CEP350: variants seen among roughly 807,000 people sequenced by gnomAD.
The protein encoded by CEP350 is centrosome-associated protein 350.
In CEP350, 126 loss-of-function variants were observed where a neutral mutation model predicts 331.8. The observed-to-expected ratio is 0.38, with a 90% CI of 0.33 to 0.44. The LOEUF is 0.44. CEP350 is among the 20% of genes least tolerant of loss of function. The pLI is 1.00. For missense variants in CEP350, 3,406 were observed against 3,634.6 expected, an observed-to-expected ratio of 0.94 and a Z score of 1.62; for synonymous variants, 1,200 against 1,259.5, an observed-to-expected ratio of 0.95 and a Z score of 1.00.
chr1:180,036,223 A>G (rs1172016904), intron 16 of CEP350, among the ~76,000 whole-genome samples: 5 of 152,244 alleles, frequency 3.3e-5, no homozygotes, highest in African/African-American at 1.2e-4. Flanking sequence ...CTTATGCATG[A>G]GCAAAGAAAG....
chr1:180,004,996 C>A (rs1654162571), intron 7 of CEP350, among the ~76,000 whole-genome samples: 1 of 142,626 alleles, frequency 7.0e-6, no homozygotes, highest in Non-Finnish European at 1.5e-5. Context: ...TTTTTCTTAA[C>A]CTTCTCCCCT....
intron 1 of CEP350, among the ~76,000 whole-genome samples, chr1:179,955,967 A>G (rs1383847473): frequency 2.0e-5 from 3 of 152,204 alleles, no homozygotes; most frequent in South Asian, 4.1e-4. Flanking sequence ...CCTGCCCTGT[A>G]TTTGAAGAGT....
rs1160099744 is a variant in CEP350, at chr1:180,112,746, A to G, written c.*1585A>G. On this transcript the variant is annotated 3_prime_UTR_variant, in exon 38 of 38. Coordinates refer to ENST00000367607, the MANE Select transcript of CEP350 (RefSeq NM_014810.5). ...TTAGAAAAACCCCAAAGATGGTATA[A>G]TCTTTAAGTGTGCACGTTCGTTTAT... 1 of 152,624 alleles carries G rather than the reference A, an allele frequency of 6.6e-6. No homozygotes were observed. The highest frequency in any genetic ancestry group is 1.5e-5 in the Non-Finnish European group (1 of 68,032). 9.5% of individuals were successfully genotyped at this position (152,624 alleles called of 1,614,324 possible).
At position 180,043,165 on chromosome 1, in the gene CEP350, A is replaced by G; in HGVS notation, c.4472A>G (p.Gln1491Arg). The G allele has an allele frequency of 6.2e-7, 1 of 1,613,670 alleles. No individual in the cohort carries two copies. The highest frequency in any genetic ancestry group is 8.5e-7 in the Non-Finnish European group (1 of 1,179,690). ...CAGCACCTTCCAGACTTTGTGAAACAGCTGAGGACCAGAACTGAAACAGAT... is the reference window on the plus strand; with the variant it reads ...CAGCACCTTCCAGACTTTGTGAAACGGCTGAGGACCAGAACTGAAACAGAT... ...QRQHLPDFVK[Q>R]LRTRTETDRK... Residue 1491 changes from glutamine to arginine, a missense_variant, in exon 20 of 38, where the codon CAG becomes CGG. Gln to Arg is a conservative substitution (Grantham distance 43). Coordinates refer to ENST00000367607, the MANE Select transcript of CEP350 (RefSeq NM_014810.5).
In CEP350 at chr1:180,003,330, A is replaced by G. The variant is rs369455882; in HGVS notation, c.1132+43A>G. On this transcript the variant is annotated intron_variant, in intron 7 of 37. Coordinates refer to ENST00000367607, the MANE Select transcript of CEP350 (RefSeq NM_014810.5). ...TTATGTTTTGAGTATTTTGTCATAC[A>G]TGCTATCTAATTTATAATATTTACA... The G allele has an allele frequency of 4.9e-5, 59 of 1,196,678 alleles. No homozygotes were observed. In the African/African-American group the frequency reaches 8.4e-4, roughly 17 times the overall value. The allele number at this position is 1,196,678 out of a possible 1,614,324, so 74.1% of individuals were successfully genotyped here.
In CEP350 at chr1:180,006,534, G is replaced by A. The variant is rs780214220; in HGVS notation, c.1213G>A (p.Val405Ile). ...VVKPVRKVQK[V>I]AQLSSTECRT... ...CAAGCCAGTACGAAAAGTCCAAAAA[G>A]TAGCACAGTTATCAAGTACAGAATG... is the stretch of plus-strand genomic sequence containing the variant. The change falls in exon 8 of 38, where the codon GTA becomes ATA. Residue 405 changes from valine (V) to isoleucine (I), a missense_variant. This residue lies in a region of CEP350 where 1,857 missense variants were observed against 1,909.2 expected (regional missense o/e 0.97). Coordinates refer to ENST00000367607, the MANE Select transcript of CEP350 (RefSeq NM_014810.5). The A allele has an allele frequency of 6.4e-7, 1 of 1,550,602 alleles. No homozygotes were observed.
rs142448584 is a variant in CEP350 at position 180,070,784 on chromosome 1, A to G, written c.5568-4238A>G. Among the ~76,000 whole-genome samples the G allele has an allele frequency of 3.4e-4, 52 of 152,324 alleles. No individual in the cohort carries two copies. In the East Asian group the frequency reaches 8.9e-3, roughly 26 times the overall value. ...AATAGTATTTTGTTGAAATTAGCAA[A>G]GTGCTAGATGGCTAATTACTGGAGT... On this transcript the variant is annotated intron_variant, in intron 27 of 37. Coordinates refer to ENST00000367607, the MANE Select transcript of CEP350 (RefSeq NM_014810.5).
At position 180,094,634 on chromosome 1, in the gene CEP350, A is replaced by G. The variant is rs1660376279; in HGVS notation, c.8511+18A>G. On this transcript the variant is annotated intron_variant, in intron 34 of 37. Coordinates refer to ENST00000367607, the MANE Select transcript of CEP350 (RefSeq NM_014810.5). Reference sequence around the variant, plus strand: ...CCAGACCGGTGAGTATTTCGTCTAGAAAAAGTATCAGTATACCTTTTGACA... The same window carrying G: ...CCAGACCGGTGAGTATTTCGTCTAGGAAAAGTATCAGTATACCTTTTGACA... 3 of 1,601,246 alleles carry G rather than the reference A, an allele frequency of 1.9e-6. No individual in the cohort carries two copies. Among genetic ancestry groups the G allele is most frequent in the Non-Finnish European group, 2.6e-6 (3 of 1,174,818 alleles).
chr1:180,037,650 A>G (rs1206690655), intron 17 of CEP350, among the ~76,000 whole-genome samples: 2 of 151,898 alleles, frequency 1.3e-5, no homozygotes, highest in Non-Finnish European at 2.9e-5. Flanking sequence ...TGATGAGTTT[A>G]TTTATTTATT....
intron 27 of CEP350, among the ~76,000 whole-genome samples, chr1:180,073,031 A>T (rs1330613073): frequency 6.6e-6 from 1 of 152,220 alleles, no homozygotes; most frequent in African/African-American, 2.4e-5. Flanking sequence ...TTATAACTGT[A>T]AAATGGAATG....
chr1:180,044,375 T>C (rs1656978150), intron 21 of CEP350, among the ~76,000 whole-genome samples: 1 of 152,216 alleles, frequency 6.6e-6, no homozygotes, highest in Non-Finnish European at 1.5e-5. Context: ...AGAACCTACA[T>C]TGTACAAGCA....
intron 27 of CEP350, among the ~76,000 whole-genome samples, chr1:180,068,793 A>G (rs1658703909): frequency 6.6e-6 from 1 of 152,228 alleles, no homozygotes; most frequent in South Asian, 2.1e-4. Flanking sequence ...GGATACCAAG[A>G]TAAATCAGAC....
chr1:180,067,521 C>T (rs1658613418), intron 27 of CEP350, among the ~76,000 whole-genome samples: 1 of 152,098 alleles, frequency 6.6e-6, no homozygotes, highest in South Asian at 2.1e-4. Flanking sequence ...GAAACCTCAT[C>T]TCTACTAAAA....
At chr1:179,996,212 T>C (rs1653450096) in intron 5 of CEP350, among the ~76,000 whole-genome samples, 1 of 152,230 alleles carries the variant, frequency 6.6e-6, no homozygotes, top group Admixed American at 6.5e-5. Flanking sequence ...ATCTTTAACT[T>C]ACTGGAATTT....
At position 179,972,017 on chromosome 1, in the gene CEP350, G is replaced by A. The variant is rs548821413; in HGVS notation, c.-13-14152G>A. ...GGTCATATGGTCATCTCTTCTTGAGGTCACCTTTTCTTGTAGTTGTTTCTG... is the reference window on the plus strand; with the variant it reads ...GGTCATATGGTCATCTCTTCTTGAGATCACCTTTTCTTGTAGTTGTTTCTG... On this transcript the variant is annotated intron_variant, in intron 1 of 37. Transcript: ENST00000367607. Among the ~76,000 whole-genome samples, 113 of 152,236 alleles carry A rather than the reference G, an allele frequency of 7.4e-4. 1 individual carries two copies. The highest frequency in any genetic ancestry group is 2.7e-3 in the African/African-American group (111 of 41,544).
At position 180,046,154 on chromosome 1, in the gene CEP350, G is replaced by A. The variant is rs541921355; in HGVS notation, c.4622+1981G>A. On this transcript the variant is annotated intron_variant, in intron 21 of 37. Coordinates refer to ENST00000367607, the MANE Select transcript of CEP350 (RefSeq NM_014810.5). ...CCTATGTGTACATGTTTCTTTGTTA[G>A]TCAGTTACATTCTAGACTAGAAGCT... is the stretch of plus-strand genomic sequence containing the variant. Among the ~76,000 whole-genome samples, 206 of 152,250 alleles carry A rather than the reference G, an allele frequency of 1.4e-3. 1 individual carries two copies. The highest frequency in any genetic ancestry group is 0.01 in the Middle Eastern group (3 of 292).
intron 22 of CEP350, 83 bp from the exon 23 acceptor site, chr1:180,052,887 C>T: frequency 1.8e-6 from 1 of 550,768 alleles, no homozygotes. Context: ...TGGATTGTCC[C>T]ATAAAGAGGC....
chr1:179,972,020 A>G (rs1050118230), intron 1 of CEP350, among the ~76,000 whole-genome samples: 1 of 152,156 alleles, frequency 6.6e-6, no homozygotes, highest in Non-Finnish European at 1.5e-5. Context: ...TCTTGAGGTC[A>G]CCTTTTCTTG....
chr1:180,094,520 TGAG>T lies in CEP350; in HGVS notation c.8418_8420del (p.Glu2807del). ...CACCCCAAGACCTATCCCAAAATGT[TGAG>T]GAACAGTCGCCAAGTATTTCAGGTT... On this transcript the variant is annotated inframe_deletion, in exon 34 of 38. Coordinates refer to ENST00000367607, the MANE Select transcript of CEP350 (RefSeq NM_014810.5). The T allele has an allele frequency of 6.2e-7, 1 of 1,613,898 alleles. No individual in the cohort carries two copies.
Sources: allele counts gnomAD v4.1 joint callset (sites outside exome capture counted in the v4.1 genomes callset), GRCh38; gene constraint gnomAD v4.1.1; regional missense constraint gnomAD v4.1.1; transcripts MANE v1.5; gene names NCBI Gene and HGNC (gene_info 2026-07-23, HGNC 2026-07-21).